Variants in KCP observed in about 807,000 individuals in gnomAD.
The protein encoded by KCP is kielin cysteine rich BMP regulator, also known as kielin/chordin-like protein.
A neutral mutation model predicts 212.7 loss-of-function variants in KCP; 194 were observed. The ratio of observed to expected loss-of-function variants is 0.91; its 90% CI spans 0.81 to 1.03. The LOEUF (loss-of-function observed/expected upper bound fraction) is 1.03, where lower values mean the gene tolerates loss of function less well. KCP is among the 50% of genes least tolerant of loss of function. KCP has a pLI of 0.00. For synonymous variants in KCP, 833 were observed against 865.3 expected (o/e 0.96, Z 0.65); for missense variants, 2,080 against 2,162.5 (o/e 0.96, Z 0.76).
At chr7:128,910,218 C>G (rs1019697001) in intron 1 of KCP, among the ~76,000 whole-genome samples, 5 of 152,190 alleles carry the variant, frequency 3.3e-5, no homozygotes, top group Non-Finnish European at 7.4e-5. Flanking sequence ...GTGCCGGCAC[C>G]GAGCCCTCCA....
chr7:128,896,540 G>A (rs1794533841), intron 8 of KCP, among the ~76,000 whole-genome samples: 1 of 152,136 alleles, frequency 6.6e-6, no homozygotes, highest in Admixed American at 6.5e-5. Flanking sequence ...CGTGGGACAT[G>A]CGGAGCTTTT....
Position 128,877,591 on chromosome 7 carries a change from C to T in KCP, c.4511G>A (p.Gly1504Asp). 1 of 1,551,628 alleles carries T rather than the reference C, an allele frequency of 6.4e-7. No individual in the cohort carries two copies. Among genetic ancestry groups the T allele is most frequent in the Middle Eastern group, 1.7e-4 (1 of 5,992 alleles). ...GCAGGCATCAGCGGAGGAGCCAGGGCCACAGGCACACAGGTCATACACACA... is the reference window on the plus strand; with the variant it reads ...GCAGGCATCAGCGGAGGAGCCAGGGTCACAGGCACACAGGTCATACACACA... Reference protein sequence around the residue: ...AACVYDLCACGPGSSADACLC... With the variant: ...AACVYDLCACDPGSSADACLC... Residue 1504 changes from glycine to aspartate, a missense_variant, in exon 39 of 40, where the codon GGC becomes GAC. Gly to Asp is a moderately conservative substitution (Grantham distance 94, BLOSUM62 -1). Transcript: ENST00000610776.
chr7:128,881,604 G>A (rs1355393891), intron 31 of KCP, 22 bp downstream of exon 31: 1 of 1,460,420 alleles, frequency 6.8e-7, no homozygotes, highest in Non-Finnish European at 9.0e-7. Context: ...TCTGAGGGTG[G>A]AGGCCAAGGC....
chr7:128,880,135 C>T, intron 34 of KCP, 50 bp from the exon 35 acceptor site: 1 of 1,467,546 alleles, frequency 6.8e-7, no homozygotes, highest in South Asian at 1.4e-5. Context: ...CCCGCCATGC[C>T]TCTCGCAGAC....
chr7:128,907,779 G>T (rs143915921), intron 2 of KCP, among the ~76,000 whole-genome samples: 2 of 152,124 alleles, frequency 1.3e-5, no homozygotes, highest in Non-Finnish European at 2.9e-5. Context: ...TACGAAACAC[G>T]AACTGACAAA....
intron 5 of KCP, among the ~76,000 whole-genome samples, chr7:128,904,787 ACAGACAT>A (rs1795040945): frequency 6.6e-6 from 1 of 152,250 alleles, no homozygotes; most frequent in African/African-American, 2.4e-5. Context: ...CATTCACGTG[ACAGACAT>A]CAGAGACTTT....
chr7:128,881,881 G>T, intron 30 of KCP, 56 bp downstream of exon 30: 1 of 1,503,126 alleles, frequency 6.7e-7, no homozygotes, highest in Non-Finnish European at 9.0e-7. Context: ...GGCAGCCACA[G>T]CCCACAGAGA....
At chr7:128,900,610 T>A (rs1453161955) in intron 8 of KCP, among the ~76,000 whole-genome samples, 1 of 152,254 alleles carries the variant, frequency 6.6e-6, no homozygotes, top group Admixed American at 6.5e-5. Context: ...TGGGTAGGAA[T>A]AAGGATAAGC....
In KCP at chr7:128,892,784, G is replaced by A. The variant is rs1794246273; in HGVS notation, c.1431C>T (p.Cys477=). The A allele has an allele frequency of 3.2e-6, 5 of 1,551,660 alleles. No homozygotes were observed. Among genetic ancestry groups the A allele is most frequent in the Non-Finnish European group, 4.4e-6 (5 of 1,146,916 alleles). ...QHPTQPPGAC[C]PSCDSCTYHS... The stretch of plus-strand genomic sequence containing the variant: ...GGTAGGTGCAGCTGTCACAGCTGGG[G>A]CAGCAGGCACCTGGGTGGGGCAGGC... The change falls in exon 15 of 40, where the codon TGC becomes TGT. Residue 477 remains cysteine, a synonymous_variant. Coordinates refer to ENST00000610776, the MANE Select transcript of KCP (RefSeq NM_001366122.1).
intron 1 of KCP, among the ~76,000 whole-genome samples, chr7:128,909,101 A>G (rs1389290478): frequency 1.3e-5 from 2 of 152,178 alleles, no homozygotes; most frequent in African/African-American, 4.8e-5. Context: ...TCTAGAAGAC[A>G]CTATGTCCAG....
At chr7:128,906,052 A>G (rs1795102617) in intron 5 of KCP, among the ~76,000 whole-genome samples, 1 of 152,136 alleles carries the variant, frequency 6.6e-6, no homozygotes, top group South Asian at 2.1e-4. Flanking sequence ...AGGCTCCCTG[A>G]GGGCAGGAAA....
intron 7 of KCP, 107 bp from the exon 8 acceptor site, chr7:128,902,966 C>T (rs931489186): frequency 1.2e-5 from 10 of 807,602 alleles, no homozygotes; most frequent in South Asian, 1.5e-5. Context: ...GGCTCTCTCC[C>T]GAGCCAAGAC....
intron 8 of KCP, among the ~76,000 whole-genome samples, chr7:128,896,039 T>G (rs910934385): frequency 1.3e-5 from 2 of 152,194 alleles, no homozygotes; most frequent in Non-Finnish European, 2.9e-5. Flanking sequence ...GGATCAGGAC[T>G]CCTTTCCTGT....
At chr7:128,901,412 G>A (rs1051426072) in intron 8 of KCP, among the ~76,000 whole-genome samples, 36 of 152,128 alleles carry the variant, frequency 2.4e-4, no homozygotes, top group Non-Finnish European at 4.4e-4. Context: ...GGATCACGAG[G>A]TCAGGAGATC....
chr7:128,908,282 G>GAAAGAAAA, intron 2 of KCP, 144 bp downstream of exon 2: 1 of 589,794 alleles, frequency 1.7e-6, no homozygotes, highest in Non-Finnish European at 2.5e-6. Context: ...AAGAAAGAAA[G>GAAAGAAAA]AAAGAAAGAA....
Position 128,877,156 on chromosome 7 carries a change from C to T in KCP, c.4774G>A (p.Glu1592Lys), listed in dbSNP as rs1793035593. 6.7e-7 allele frequency: 1 copy of T among 1,499,444 alleles called. No homozygotes were observed. The highest frequency in any genetic ancestry group is 1.4e-5 in the African/African-American group (1 of 70,532). The allele number at this position is 1,499,444 out of a possible 1,614,324, so 92.9% of individuals were successfully genotyped here. Residue 1592 changes from glutamate (E) to lysine (K), a missense_variant, in exon 40 of 40, where the codon GAG (glutamate) becomes AAG (lysine). Physicochemically the swap from Glu to Lys is moderately conservative, Grantham distance 56. Transcript: ENST00000610776. ...GGTGGGATGCAGTGGGCCTCATGCT[C>T]CACCAGGCCTGCAGGGCACTGGCAG... The part of the protein sequence containing the change: ...PGCQCPAGLV[E>K]HEAHCIPPEA...
intron 23 of KCP, 101 bp downstream of exon 23, chr7:128,887,114 G>A (rs755126670): frequency 5.0e-5 from 57 of 1,147,076 alleles, no homozygotes; most frequent in Middle Eastern, 1.9e-4. Context: ...GAAGGGCAGA[G>A]TGTAGCCCTT....
chr7:128,890,127 C>T (rs1468536193), intron 21 of KCP: 9 of 742,578 alleles, frequency 1.2e-5, no homozygotes, highest in Non-Finnish European at 1.8e-5. Flanking sequence ...TCTATGTTGC[C>T]CAGGCTGGTC....
chr7:128,904,595 G>A (rs1348759316), intron 5 of KCP, among the ~76,000 whole-genome samples: 1 of 152,214 alleles, frequency 6.6e-6, no homozygotes, highest in African/African-American at 2.4e-5. Context: ...TGGTCAGGCC[G>A]GCAGTCTGCC....
Sources: gnomAD v4.1 joint callset for allele counts (sites outside exome capture counted in the v4.1 genomes callset) on GRCh38, gnomAD v4.1.1 for gene constraint, MANE v1.5 for transcripts, NCBI Gene and HGNC (gene_info 2026-07-23, HGNC 2026-07-21) for gene names.